FGF12: variants seen among roughly 807,000 people sequenced by gnomAD.
FGF12 encodes the protein fibroblast growth factor 12.
FGF12 carries 14 observed loss-of-function variants against 23.6 expected under a neutral mutation model. That is an observed-to-expected ratio of 0.59 (90% CI 0.39 to 0.93). The LOEUF is 0.93. FGF12 is among the 40% of genes least tolerant of loss of function. FGF12 has a pLI of 0.00. For missense variants in FGF12, 175 were observed against 217.8 expected, an observed-to-expected ratio of 0.80 and a Z score of 1.24; for synonymous variants, 62 against 77.3, an observed-to-expected ratio of 0.80 and a Z score of 1.04.
Position 192,141,208 on chromosome 3 carries a change from A to C in FGF12, c.*2801T>G, listed in dbSNP as rs1022938542. On this transcript the variant is annotated 3_prime_UTR_variant, in exon 6 of 6. Coordinates refer to ENST00000445105, the MANE Select transcript of FGF12 (RefSeq NM_004113.6). ...CGAATGAATTGAAGACCCAGAAATC[A>C]GAACAATGAAAATCAAAGAATTATT... is the stretch of plus-strand genomic sequence containing the variant. 6.6e-6 allele frequency: 1 copy of C among 151,186 alleles called. No homozygotes were observed. The highest frequency in any genetic ancestry group is 6.6e-5 in the Admixed American group (1 of 15,154). The allele number at this position is 151,186 out of a possible 1,614,324, so 9.4% of individuals were successfully genotyped here.
At chr3:192,551,548 G>A (rs766183562) in intron 2 of FGF12, among the ~76,000 whole-genome samples, 3 of 152,246 alleles carry the variant, frequency 2.0e-5, no homozygotes. Flanking sequence ...CGCAGCCAGA[G>A]TGAGAAAGCT....
intron 2 of FGF12, among the ~76,000 whole-genome samples, chr3:192,417,121 A>G (rs959024067): frequency 6.6e-6 from 1 of 152,086 alleles, no homozygotes; most frequent in Non-Finnish European, 1.5e-5. Flanking sequence ...ATTTAAAAGT[A>G]GGCTGGAAAT....
chr3:192,242,829 T>C (rs1719691627), intron 4 of FGF12, among the ~76,000 whole-genome samples: 2 of 152,174 alleles, frequency 1.3e-5, no homozygotes, highest in East Asian at 1.9e-4. Context: ...CAAAAATTAG[T>C]ATTATTGTTT....
At chr3:192,431,025 C>T (rs1056114875) in intron 2 of FGF12, among the ~76,000 whole-genome samples, 1 of 152,176 alleles carries the variant, frequency 6.6e-6, no homozygotes, top group African/African-American at 2.4e-5. Flanking sequence ...ATGGAGTCCA[C>T]CCACTTTCTC....
In FGF12 at chr3:192,394,950, G is replaced by C. The variant is rs192177489; in HGVS notation, c.14-34412C>G. Among the ~76,000 whole-genome samples, 4 of 152,300 alleles carry C rather than the reference G, an allele frequency of 2.6e-5. No individual in the cohort carries two copies. In the East Asian group the frequency reaches 7.7e-4, roughly 29 times the overall value. On this transcript the variant is annotated intron_variant, in intron 2 of 5. Coordinates refer to ENST00000445105, the MANE Select transcript of FGF12 (RefSeq NM_004113.6). ...CACTTAGCGCTTCACCAGAGAAAGT[G>C]AACCCAGAGTGAATATGTTCCCTCA...
intron 4 of FGF12, among the ~76,000 whole-genome samples, chr3:192,240,209 A>G (rs1719535404): frequency 6.6e-6 from 1 of 152,204 alleles, no homozygotes; most frequent in Admixed American, 6.5e-5. Context: ...TCAACACCAC[A>G]CGATGACTGA....
chr3:192,677,530 C>T (rs1717370594), intron 2 of FGF12, among the ~76,000 whole-genome samples: 1 of 152,150 alleles, frequency 6.6e-6, no homozygotes, highest in Non-Finnish European at 1.5e-5. Flanking sequence ...ATTTTACTAG[C>T]TAGTTCAATA....
In FGF12 at chr3:192,540,874, T is replaced by A. The variant is rs548732408; in HGVS notation, c.14-180336A>T. Among the ~76,000 whole-genome samples, 9 of 152,344 alleles carry A rather than the reference T, an allele frequency of 5.9e-5. No homozygotes were observed. In the East Asian group the frequency reaches 1.5e-3, roughly 26 times the overall value. ...ACATCATTTTGCTGAATTGATTTCT[T>A]TATCATTATGTAATGACCTTCTTTG... On this transcript the variant is annotated intron_variant, in intron 2 of 5. Transcript: ENST00000445105.
chr3:192,350,785 T>C (rs12488758), intron 3 of FGF12, among the ~76,000 whole-genome samples: 10,866 of 152,238 alleles, frequency 0.071, 439 homozygotes, highest in Middle Eastern at 0.11. Context: ...AAAAAGGTCA[T>C]TGGCTTTTAC....
chr3:192,617,832 A>G (rs1352520083), intron 2 of FGF12, among the ~76,000 whole-genome samples: 1 of 152,164 alleles, frequency 6.6e-6, no homozygotes, highest in Non-Finnish European at 1.5e-5. Context: ...GATGCTGAAC[A>G]GGGTCCGAAA....
In FGF12 at chr3:192,210,179, G is replaced by A. The variant is rs116323787; in HGVS notation, c.229-39523C>T. On this transcript the variant is annotated intron_variant, in intron 4 of 5. Coordinates refer to ENST00000445105, the MANE Select transcript of FGF12 (RefSeq NM_004113.6). The stretch of plus-strand genomic sequence containing the variant: ...CCCCAGAAGGAAATGTCTAGACAGC[G>A]GCACAGAAAGAAAGAACACAAACAG... 9.5e-3 allele frequency among the ~76,000 whole-genome samples: 1,439 copies of A among 152,256 alleles called. 12 individuals are homozygous for A. The highest frequency in any genetic ancestry group is 0.017 in the Middle Eastern group (5 of 294).
chr3:192,674,396 C>T (rs1025661431), intron 2 of FGF12, among the ~76,000 whole-genome samples: 2 of 152,140 alleles, frequency 1.3e-5, no homozygotes, highest in Admixed American at 1.3e-4. Flanking sequence ...ATTCAGTAAA[C>T]TGGGCTAAAA....
At chr3:192,370,815 G>A (rs948287322) in intron 2 of FGF12, among the ~76,000 whole-genome samples, 4 of 152,138 alleles carry the variant, frequency 2.6e-5, no homozygotes, top group African/African-American at 4.8e-5. Context: ...GTGTGCTAAC[G>A]TTTCAGCCAC....
At chr3:192,479,757 C>T (rs1254607685) in intron 2 of FGF12, among the ~76,000 whole-genome samples, 1 of 152,084 alleles carries the variant, frequency 6.6e-6, no homozygotes, top group Admixed American at 6.6e-5. Context: ...GGAGTTTGCA[C>T]AATTTAAGTT....
chr3:192,722,597 T>C (rs1464629406), intron 2 of FGF12, among the ~76,000 whole-genome samples: 1 of 152,184 alleles, frequency 6.6e-6, no homozygotes, highest in Admixed American at 6.5e-5. Flanking sequence ...ACACTGATGT[T>C]TCTGGGAGCC....
At chr3:192,617,735 C>A (rs537346514) in intron 2 of FGF12, among the ~76,000 whole-genome samples, 2 of 152,118 alleles carry the variant, frequency 1.3e-5, no homozygotes, top group East Asian at 1.9e-4. Flanking sequence ...GTCCAACAAC[C>A]ACCAGGTAGA....
chr3:192,463,648 A>G (rs1037725630), intron 2 of FGF12, among the ~76,000 whole-genome samples: 12 of 152,272 alleles, frequency 7.9e-5, no homozygotes, highest in Admixed American at 5.2e-4. Flanking sequence ...TTCCCAGCCC[A>G]GCACAGTGGC....
chr3:192,287,938 C>T (rs923701458), intron 4 of FGF12, among the ~76,000 whole-genome samples: 2 of 152,074 alleles, frequency 1.3e-5, no homozygotes, highest in African/African-American at 4.8e-5. Flanking sequence ...CCAAAAAGGG[C>T]TTCCTGGTGT....
In FGF12 at chr3:192,653,720, C is replaced by CT. The variant is rs34906808; in HGVS notation, c.13+73460dup. On this transcript the variant is annotated intron_variant, in intron 2 of 5. Transcript: ENST00000445105. ...TTCAATATATATTCCTCATTTGAGGCTTTTTTTTTTTTGAGACGGAATCAT... is the reference window on the plus strand; with the variant it reads ...TTCAATATATATTCCTCATTTGAGGCTTTTTTTTTTTTTGAGACGGAATCAT... 7.8e-3 allele frequency among the ~76,000 whole-genome samples: 1,102 copies of CT among 140,860 alleles called. 17 individuals carry two copies. Among genetic ancestry groups the CT allele is most frequent in the Non-Finnish European group, 9.2e-3 (604 of 65,462 alleles). The allele number at this position is 140,860 out of a possible 152,430, so 92.4% of individuals were successfully genotyped here.
Sources: allele counts gnomAD v4.1 joint callset (sites outside exome capture counted in the v4.1 genomes callset), GRCh38; gene constraint gnomAD v4.1.1; transcripts MANE v1.5; gene names NCBI Gene and HGNC (gene_info 2026-07-23, HGNC 2026-07-21).